ZNF595: variants seen among roughly 807,000 people sequenced by gnomAD.
ZNF595 encodes zinc finger protein 595.
A neutral mutation model predicts 19.4 loss-of-function variants in ZNF595; 9 were observed. The ratio of observed to expected loss-of-function variants is 0.46; its 90% CI spans 0.28 to 0.81. ZNF595 has a LOEUF of 0.81. Ranked by LOEUF, ZNF595 falls within the 30% of genes least tolerant of loss-of-function variation. The pLI, the probability that ZNF595 is intolerant of heterozygous loss-of-function variation, is 0.11. For synonymous variants in ZNF595, 255 were observed against 255.9 expected, an observed-to-expected ratio of 1.00 and a Z score of 0.03; for missense variants, 729 against 736.0, an observed-to-expected ratio of 0.99 and a Z score of 0.11.
intron 3 of ZNF595, among the ~76,000 whole-genome samples, chr4:76,138 C>T (rs1298016274): frequency 6.6e-6 from 1 of 152,160 alleles, no homozygotes; most frequent in East Asian, 1.9e-4. Flanking sequence ...AAACAATTCA[C>T]CTGCTTTGGC....
Position 87,303 on chromosome 4 carries a change from C to G in ZNF595, c.1799C>G (p.Ala600Gly). 1.2e-6 allele frequency: 2 copies of G among 1,613,620 alleles called. No individual in the cohort carries two copies. Among genetic ancestry groups the G allele is most frequent in the Non-Finnish European group, 1.7e-6 (2 of 1,179,766 alleles). Residue 600 changes from alanine (A) to glycine (G), a missense_variant, in exon 4 of 4, where the codon GCC (alanine) becomes GGC (glycine). Coordinates refer to ENST00000610261, the MANE Select transcript of ZNF595 (RefSeq NM_182524.4). The part of the protein sequence containing the change: ...KPFTCEECGK[A>G]FNWSSSLTKH... ...TTCACATGTGAAGAATGTGGCAAAG[C>G]CTTCAATTGGTCCTCATCCCTTACT...
chr4:75,803 T>G (rs1347128876), intron 3 of ZNF595, among the ~76,000 whole-genome samples: 1 of 150,894 alleles, frequency 6.6e-6, no homozygotes, highest in African/African-American at 2.4e-5. Context: ...TTTTGGGGGG[T>G]TTTTTGGTTG....
At position 81,905 on chromosome 4, in the gene ZNF595, T is replaced by C. The variant is rs146300329; in HGVS notation, c.227-3826T>C. 4.1e-3 allele frequency among the ~76,000 whole-genome samples: 632 copies of C among 152,324 alleles called. 3 individuals are homozygous for C. Among genetic ancestry groups the C allele is most frequent in the African/African-American group, 0.015 (611 of 41,586 alleles). On this transcript the variant is annotated intron_variant, in intron 3 of 3. Coordinates refer to ENST00000610261, the MANE Select transcript of ZNF595 (RefSeq NM_182524.4). ...GTAATATTTTAATATTTTTAATTTA[T>C]TCATTTATTTGGTGAGAAATTTGCA...
At chr4:73,251 A>C (rs922540277) in intron 3 of ZNF595, among the ~76,000 whole-genome samples, 1 of 152,206 alleles carries the variant, frequency 6.6e-6, no homozygotes, top group African/African-American at 2.4e-5. Flanking sequence ...ATTAGAAAGT[A>C]GGTGTGAGGG....
intron 3 of ZNF595, among the ~76,000 whole-genome samples, chr4:73,190 C>T (rs576697357): frequency 5.9e-5 from 9 of 151,842 alleles, no homozygotes; most frequent in African/African-American, 1.7e-4. Context: ...CTGCAAGCAT[C>T]TCCAAAATGA....
intron 3 of ZNF595, among the ~76,000 whole-genome samples, chr4:78,031 C>T (rs762693822): frequency 6.8e-4 from 104 of 152,020 alleles, no homozygotes; most frequent in Non-Finnish European, 1.2e-3. Flanking sequence ...TTTTTTGAGA[C>T]GGAGTCTTGC....
At chr4:66,322 T>C (rs1351512985) in intron 3 of ZNF595, among the ~76,000 whole-genome samples, 1 of 144,560 alleles carries the variant, frequency 6.9e-6, no homozygotes, top group African/African-American at 2.6e-5. Flanking sequence ...CTATTAGTCA[T>C]GTAACTTTTT....
Position 87,409 on chromosome 4 carries a change from T to TA in ZNF595, c.1906dup (p.Thr636AsnfsTer13). 5 of 1,610,476 alleles carry TA rather than the reference T, an allele frequency of 3.1e-6. No homozygotes were observed. Among genetic ancestry groups the TA allele is most frequent in the Non-Finnish European group, 4.2e-6 (5 of 1,178,158 alleles). Reference sequence around the variant, plus strand: ...AAGCTTTTAATCGGCCCTCAACCCTTACTGTACACAAGCGAATTCATACTG... The same window carrying TA: ...AAGCTTTTAATCGGCCCTCAACCCTTAACTGTACACAAGCGAATTCATACTG... On this transcript the variant is annotated frameshift_variant, in exon 4 of 4. Transcript: ENST00000610261. LOFTEE classifies it high-confidence loss of function.
intron 3 of ZNF595, among the ~76,000 whole-genome samples, chr4:84,249 G>GATA (rs1714043151): frequency 6.6e-6 from 1 of 152,046 alleles, no homozygotes; most frequent in Admixed American, 6.5e-5. Context: ...GCACTATCAT[G>GATA]ATAATGGTAC....
At chr4:82,289 T>C (rs1197632150) in intron 3 of ZNF595, among the ~76,000 whole-genome samples, 2 of 151,896 alleles carry the variant, frequency 1.3e-5, no homozygotes, top group African/African-American at 4.8e-5. Flanking sequence ...AGTCCAGATA[T>C]CTTCATATTT....
intron 3 of ZNF595, among the ~76,000 whole-genome samples, chr4:81,140 T>C (rs559757289): frequency 1.0e-3 from 154 of 152,342 alleles, no homozygotes; most frequent in Non-Finnish European, 1.2e-3. Context: ...GCTTCATGCA[T>C]GTCCCTGCAA....
chr4:77,790 T>C (rs924571618), intron 3 of ZNF595, among the ~76,000 whole-genome samples: 3 of 152,170 alleles, frequency 2.0e-5, no homozygotes, highest in African/African-American at 7.2e-5. Context: ...TCCAATTATA[T>C]ATGCAGATGG....
Position 87,298 on chromosome 4 carries a change from C to T in ZNF595, c.1794C>T (p.Gly598=), listed in dbSNP as rs782664363. 2.5e-6 allele frequency: 4 copies of T among 1,613,684 alleles called. No homozygotes were observed. In the South Asian group the frequency reaches 3.3e-5, roughly 13 times the overall value. ...AACCCTTCACATGTGAAGAATGTGG[C>T]AAAGCCTTCAATTGGTCCTCATCCC... ...GEKPFTCEEC[G]KAFNWSSSLT... is the part of the protein sequence containing the mutation. The change falls in exon 4 of 4, where the codon GGC becomes GGT. Residue 598 remains glycine, a synonymous_variant. Coordinates refer to ENST00000610261, the MANE Select transcript of ZNF595 (RefSeq NM_182524.4).
chr4:78,087 T>C (rs782616994), intron 3 of ZNF595, among the ~76,000 whole-genome samples: 1 of 152,074 alleles, frequency 6.6e-6, no homozygotes, highest in Non-Finnish European at 1.5e-5. Flanking sequence ...CGGCTCACTG[T>C]AAGCTCCGCC....
chr4:87,305 T>G lies in ZNF595; in HGVS notation c.1801T>G (p.Phe601Val). 1.2e-6 allele frequency: 2 copies of G among 1,613,626 alleles called. No individual in the cohort carries two copies. The highest frequency in any genetic ancestry group is 1.7e-6 in the Non-Finnish European group (2 of 1,179,770). Residue 601 changes from phenylalanine (F) to valine (V), a missense_variant, in exon 4 of 4, where the codon TTC becomes GTC. Transcript: ENST00000610261. ...PFTCEECGKA[F>V]NWSSSLTKHK... ...CACATGTGAAGAATGTGGCAAAGCC[T>G]TCAATTGGTCCTCATCCCTTACTAA...
chr4:77,384 T>A (rs181522324), intron 3 of ZNF595, among the ~76,000 whole-genome samples: 42 of 152,310 alleles, frequency 2.8e-4, no homozygotes, highest in Admixed American at 2.3e-3. Flanking sequence ...TATTTTGACT[T>A]CTTAGCCATT....
chr4:70,989 T>C (rs1462599105), intron 3 of ZNF595, among the ~76,000 whole-genome samples: 1 of 152,242 alleles, frequency 6.6e-6, no homozygotes, highest in Non-Finnish European at 1.5e-5. Flanking sequence ...ACATAAAATA[T>C]CTTTCCTTTT....
chr4:65,395 A>G (rs1290762181), intron 3 of ZNF595, among the ~76,000 whole-genome samples: 2 of 151,824 alleles, frequency 1.3e-5, no homozygotes, highest in Non-Finnish European at 2.9e-5. Flanking sequence ...CACTTAAAAT[A>G]ATGGCTTTAA....
intron 3 of ZNF595, among the ~76,000 whole-genome samples, chr4:69,247 T>C (rs1232917674): frequency 6.6e-6 from 1 of 152,208 alleles, no homozygotes; most frequent in Non-Finnish European, 1.5e-5. Context: ...TGTCCTGATT[T>C]ATGTACATAC....
Sources: gnomAD v4.1 joint callset for allele counts (sites outside exome capture counted in the v4.1 genomes callset) on GRCh38, gnomAD v4.1.1 for gene constraint, MANE v1.5 for transcripts, NCBI Gene and HGNC (gene_info 2026-07-23, HGNC 2026-07-21) for gene names.